The following CCDC60 variants were observed in gnomAD, a reference collection of about 807,000 sequenced individuals.
The protein encoded by CCDC60 is coiled-coil domain containing 60, also known as coiled-coil domain-containing protein 60.
In CCDC60, 54 loss-of-function variants were observed where a neutral mutation model predicts 63.5. The observed-to-expected ratio is 0.85, with a 90% CI of 0.68 to 1.07. The LOEUF (loss-of-function observed/expected upper bound fraction) is 1.07, where lower values mean the gene tolerates loss of function less well. Ranked by LOEUF, CCDC60 falls within the 50% of genes least tolerant of loss-of-function variation. The pLI is 0.00. For synonymous variants in CCDC60, 206 were observed against 238.8 expected (o/e 0.86, Z 1.27); for missense variants, 651 against 684.3 (o/e 0.95, Z 0.54).
chr12:119,357,416 C>T (rs1438957859), intron 1 of CCDC60, among the ~76,000 whole-genome samples: 1 of 152,124 alleles, frequency 6.6e-6, no homozygotes, highest in Non-Finnish European at 1.5e-5. Flanking sequence ...CATATCTTTC[C>T]CAGGCTCTGC....
chr12:119,520,340 C>T, intron 9 of CCDC60, 148 bp downstream of exon 9: 1 of 644,182 alleles, frequency 1.6e-6, no homozygotes, highest in South Asian at 2.0e-5. Flanking sequence ...AGAAACAAGC[C>T]CCTTTACTGC....
intron 7 of CCDC60, among the ~76,000 whole-genome samples, chr12:119,507,632 T>A (rs1952090868): frequency 8.0e-6 from 1 of 125,090 alleles, no homozygotes. Context: ...TTTTTTTTTC[T>A]AGAAACAGGG....
intron 2 of CCDC60, among the ~76,000 whole-genome samples, chr12:119,432,090 GA>G (rs1201425720): frequency 6.6e-6 from 1 of 152,182 alleles, no homozygotes; most frequent in African/African-American, 2.4e-5. Context: ...TTAAAAGTCA[GA>G]TATCTTTCAT....
chr12:119,439,150 CAAAAAAAAAAAAAA>C (rs11317847), intron 2 of CCDC60, among the ~76,000 whole-genome samples: 9 of 72,284 alleles, frequency 1.2e-4, no homozygotes, highest in East Asian at 4.9e-4. Context: ...CTTTTCTGGG[CAAAAAAAAAAAAAA>C]AAAAAAAAAA....
chr12:119,507,612 ATATT>A (rs1566050898), intron 7 of CCDC60, among the ~76,000 whole-genome samples: 1 of 45,402 alleles, frequency 2.2e-5, no homozygotes, highest in Non-Finnish European at 3.9e-5. Flanking sequence ...ATATATATAT[ATATT>A]TTTTTTTTTT....
At chr12:119,513,536 T>C (rs1368022499) in intron 7 of CCDC60, among the ~76,000 whole-genome samples, 3 of 152,182 alleles carry the variant, frequency 2.0e-5, no homozygotes, top group Admixed American at 1.3e-4. Context: ...TCCCTATATA[T>C]CTCTCTTTCC....
At chr12:119,493,716 C>T (rs886428886) in intron 5 of CCDC60, among the ~76,000 whole-genome samples, 6 of 152,294 alleles carry the variant, frequency 3.9e-5, no homozygotes, top group East Asian at 1.9e-4. Context: ...GTGCCAATTA[C>T]GTTTCTCCAA....
chr12:119,339,542 T>TG (rs56315252), intron 1 of CCDC60, among the ~76,000 whole-genome samples: 2 of 151,850 alleles, frequency 1.3e-5, no homozygotes, highest in Non-Finnish European at 2.9e-5. Context: ...CTGAACACTT[T>TG]GGGGGGGGCC....
chr12:119,360,917 CG>C (rs1955781794), intron 1 of CCDC60, among the ~76,000 whole-genome samples: 1 of 152,292 alleles, frequency 6.6e-6, no homozygotes, highest in South Asian at 2.1e-4. Context: ...GCGGATCACT[CG>C]CGGTTAGGAG....
chr12:119,423,139 T>G (rs1364508516), intron 1 of CCDC60, among the ~76,000 whole-genome samples: 4 of 152,110 alleles, frequency 2.6e-5, no homozygotes, highest in Admixed American at 2.6e-4. Context: ...TTTGGAGAAG[T>G]AGGAGGGTTC....
At chr12:119,424,032 AAG>A (rs1184930262) in intron 1 of CCDC60, among the ~76,000 whole-genome samples, 1 of 152,204 alleles carries the variant, frequency 6.6e-6, no homozygotes, top group East Asian at 1.9e-4. Flanking sequence ...ATTAGGAAAA[AAG>A]ATAACCAAAA....
At chr12:119,500,755 GA>G (rs1207256732) in intron 6 of CCDC60, among the ~76,000 whole-genome samples, 1 of 152,140 alleles carries the variant, frequency 6.6e-6, no homozygotes, top group African/African-American at 2.4e-5. Context: ...TAGGGAGGCT[GA>G]AGTGAGAGGA....
intron 1 of CCDC60, among the ~76,000 whole-genome samples, chr12:119,368,531 C>T (rs1238838593): frequency 1.3e-5 from 2 of 152,120 alleles, no homozygotes; most frequent in African/African-American, 2.4e-5. Context: ...GCGGTACTCT[C>T]GGCCTCACAA....
At chr12:119,442,236 A>G (rs1238071239) in intron 2 of CCDC60, among the ~76,000 whole-genome samples, 1 of 152,238 alleles carries the variant, frequency 6.6e-6, no homozygotes, top group Admixed American at 6.5e-5. Context: ...CACAGCCTCA[A>G]TAAATGTACA....
rs1204527741 is a variant in CCDC60 at position 119,335,115 on chromosome 12, T to C, written c.-62T>C. On this transcript the variant is annotated 5_prime_UTR_variant, in exon 1 of 14. Transcript: ENST00000327554. ...CTTCTCATACCAGTAACTACTGAAG[T>C]AGAAGATTCTGGAAAAATCCTTGTC... 1.5e-6 allele frequency: 2 copies of C among 1,371,102 alleles called. No individual in the cohort carries two copies. Among genetic ancestry groups the C allele is most frequent in the Non-Finnish European group, 2.0e-6 (2 of 981,792 alleles). 84.9% of individuals were successfully genotyped at this position (1,371,102 alleles called of 1,614,324 possible).
At chr12:119,349,360 T>C (rs1017023380) in intron 1 of CCDC60, among the ~76,000 whole-genome samples, 3 of 140,542 alleles carry the variant, frequency 2.1e-5, no homozygotes, top group Non-Finnish European at 4.7e-5. Flanking sequence ...TTTTTTTTTC[T>C]TCTGAGACAG....
intron 4 of CCDC60, among the ~76,000 whole-genome samples, chr12:119,485,779 TG>T (rs1478522573): frequency 4.6e-5 from 7 of 152,190 alleles, no homozygotes; most frequent in Non-Finnish European, 1.0e-4. Flanking sequence ...CAAATGAATC[TG>T]GTATGTCCAC....
intron 1 of CCDC60, among the ~76,000 whole-genome samples, chr12:119,405,788 C>T (rs1034126050): frequency 1.3e-5 from 2 of 152,222 alleles, no homozygotes; most frequent in East Asian, 1.9e-4. Flanking sequence ...ATCTAGTTAC[C>T]GCATCCCCAC....
At chr12:119,346,069 C>T (rs1452721422) in intron 1 of CCDC60, among the ~76,000 whole-genome samples, 1 of 150,442 alleles carries the variant, frequency 6.6e-6, no homozygotes, top group Non-Finnish European at 1.5e-5. Context: ...AAGAGATCTA[C>T]CCACCTCGGC....
Sources: gnomAD v4.1 joint callset for allele counts (sites outside exome capture counted in the v4.1 genomes callset) on GRCh38, gnomAD v4.1.1 for gene constraint, MANE v1.5 for transcripts, NCBI Gene and HGNC (gene_info 2026-07-23, HGNC 2026-07-21) for gene names.